Variants in SLC25A21 observed in about 807,000 individuals in gnomAD.
SLC25A21 encodes solute carrier family 25 member 21.
Under a neutral mutation model 43.8 loss-of-function variants are expected in SLC25A21, and 47 were observed. That is an observed-to-expected ratio of 1.07 (90% CI 0.85 to 1.37). SLC25A21 has a LOEUF of 1.37. Ranked by LOEUF, SLC25A21 falls within the 40% of genes most tolerant of loss-of-function variation. The probability of loss-of-function intolerance (pLI) is 0.00; values close to 1 mark genes in which losing one functional copy is unlikely to be tolerated. For synonymous variants in SLC25A21, 131 were observed against 121.3 expected (o/e 1.08, Z -0.52); for missense variants, 352 against 350.2 (o/e 1.00, Z -0.04).
At chr14:36,830,765 A>G (rs1158726467) in intron 2 of SLC25A21, among the ~76,000 whole-genome samples, 2 of 152,108 alleles carry the variant, frequency 1.3e-5, no homozygotes, top group Admixed American at 6.6e-5. Flanking sequence ...CCCCTCCTCA[A>G]TATCCCATAT....
At chr14:37,050,474 G>A (rs1419895168) in intron 1 of SLC25A21, among the ~76,000 whole-genome samples, 1 of 152,232 alleles carries the variant, frequency 6.6e-6, no homozygotes, top group African/African-American at 2.4e-5. Context: ...AGTGGGGGCT[G>A]AAAGCCATTT....
At chr14:36,858,393 G>A (rs761589495) in intron 2 of SLC25A21, among the ~76,000 whole-genome samples, 5 of 152,060 alleles carry the variant, frequency 3.3e-5, no homozygotes, top group South Asian at 2.1e-4. Context: ...AGAAAGTGTC[G>A]GCCTCAATTC....
intron 1 of SLC25A21, among the ~76,000 whole-genome samples, chr14:36,926,765 C>T (rs1892144303): frequency 6.6e-6 from 1 of 152,172 alleles, no homozygotes; most frequent in Non-Finnish European, 1.5e-5. Flanking sequence ...ACTTCGTATG[C>T]TCCCCCTACT....
intron 1 of SLC25A21, among the ~76,000 whole-genome samples, chr14:37,159,969 C>T (rs1265958541): frequency 6.6e-6 from 1 of 152,074 alleles, no homozygotes; most frequent in Non-Finnish European, 1.5e-5. Flanking sequence ...AAAAAATGGT[C>T]GGCATCACTA....
intron 2 of SLC25A21, among the ~76,000 whole-genome samples, chr14:36,861,451 G>A (rs1486306155): frequency 6.6e-6 from 1 of 152,162 alleles, no homozygotes; most frequent in Admixed American, 6.5e-5. Flanking sequence ...TCAGCTCACA[G>A]TTAGAGTTTT....
At chr14:37,120,252 A>G (rs1963183359) in intron 1 of SLC25A21, among the ~76,000 whole-genome samples, 1 of 152,110 alleles carries the variant, frequency 6.6e-6, no homozygotes, top group African/African-American at 2.4e-5. Flanking sequence ...CTCCTCACCC[A>G]CCACCTCCAA....
intron 3 of SLC25A21, among the ~76,000 whole-genome samples, chr14:36,741,477 AT>A (rs1178341719): frequency 1.6e-4 from 25 of 152,330 alleles, no homozygotes; most frequent in Non-Finnish European, 1.9e-4. Context: ...GAGAAGATCA[AT>A]GTGTAAATTT....
chr14:37,133,332 T>C (rs1227922686), intron 1 of SLC25A21, among the ~76,000 whole-genome samples: 1 of 152,090 alleles, frequency 6.6e-6, no homozygotes, highest in African/African-American at 2.4e-5. Flanking sequence ...TCTGTTGACA[T>C]TCCCTTTCAT....
chr14:36,832,134 C>T (rs1488301172), intron 2 of SLC25A21, among the ~76,000 whole-genome samples: 1 of 152,124 alleles, frequency 6.6e-6, no homozygotes, highest in African/African-American at 2.4e-5. Flanking sequence ...TTTCTCAGGA[C>T]AGTACCAGAG....
intron 1 of SLC25A21, among the ~76,000 whole-genome samples, chr14:36,974,309 T>A (rs1488303968): frequency 2.0e-5 from 3 of 152,228 alleles, no homozygotes; most frequent in Non-Finnish European, 2.9e-5. Flanking sequence ...ATATGACTCA[T>A]GCTTTCTCTT....
chr14:36,710,950 GA>G (rs2139187949), intron 7 of SLC25A21, among the ~76,000 whole-genome samples: 1 of 152,192 alleles, frequency 6.6e-6, no homozygotes, highest in African/African-American at 2.4e-5. Flanking sequence ...ACTTTCTTGA[GA>G]AAGTTATGCT....
At chr14:36,848,189 A>C (rs1271387773) in intron 2 of SLC25A21, among the ~76,000 whole-genome samples, 1 of 152,188 alleles carries the variant, frequency 6.6e-6, no homozygotes. Flanking sequence ...TTATCACCCT[A>C]ACTCAAAAGT....
chr14:36,845,666 A>C (rs1889519627), intron 2 of SLC25A21, among the ~76,000 whole-genome samples: 1 of 152,272 alleles, frequency 6.6e-6, no homozygotes, highest in Admixed American at 6.5e-5. Flanking sequence ...TGATGGACAA[A>C]CTATCATTTT....
intron 6 of SLC25A21, among the ~76,000 whole-genome samples, chr14:36,721,570 T>C (rs1351682039): frequency 6.6e-6 from 1 of 152,198 alleles, no homozygotes; most frequent in African/African-American, 2.4e-5. Context: ...CCCACAAGAT[T>C]GTTCTTCCTG....
rs570606385 is a variant in SLC25A21, at chr14:36,860,831, T to G, written c.119+14125A>C. 1.4e-4 allele frequency among the ~76,000 whole-genome samples: 21 copies of G among 152,284 alleles called. No homozygotes were observed. The Middle Eastern group carries it at 0.01, about 74-fold the overall frequency. ...TTCATCGCAATGTTGTATTATTTCA[T>G]AAAAAACAGAAATGCATATCCCAGA... On this transcript the variant is annotated intron_variant, in intron 2 of 9. Transcript: ENST00000331299.
At chr14:36,921,500 G>T (rs75311043) in intron 1 of SLC25A21, among the ~76,000 whole-genome samples, 1 of 152,228 alleles carries the variant, frequency 6.6e-6, no homozygotes, top group Non-Finnish European at 1.5e-5. Context: ...TTGTAATACA[G>T]TGAAAATAAA....
At position 36,729,529 on chromosome 14, in the gene SLC25A21, T is replaced by C. The variant is rs753300957; in HGVS notation, c.308A>G (p.Tyr103Cys). Residue 103 changes from tyrosine (Y) to cysteine (C), a missense_variant, in exon 5 of 10, where the codon TAT (tyrosine) becomes TGT (cysteine). Coordinates refer to ENST00000331299, the MANE Select transcript of SLC25A21 (RefSeq NM_030631.4). ...TFEQYKKLLG[Y>C]VSLSPALTFA... ...TACCAATGCTGGTGACAGTGACACA[T>C]ATCCCAGCAATTTCTTGTACTGCTC... The C allele has an allele frequency of 2.5e-6, 4 of 1,609,252 alleles. No homozygotes were observed. In the African/African-American group the frequency reaches 4.0e-5, roughly 16 times the overall value.
rs879503541 is a variant in SLC25A21 at position 37,016,025 on chromosome 14, G to A, written c.71-141021C>T. Among the ~76,000 whole-genome samples, 452 of 151,702 alleles carry A rather than the reference G, an allele frequency of 3.0e-3. 3 individuals are homozygous for A. The highest frequency in any genetic ancestry group is 5.3e-3 in the Non-Finnish European group (359 of 67,838). On this transcript the variant is annotated intron_variant, in intron 1 of 9. Coordinates refer to ENST00000331299, the MANE Select transcript of SLC25A21 (RefSeq NM_030631.4). ...CACTCTGATGGTAGTTTCTTTTGCT[G>A]TGCAGAAGCTCTTTAGTTTAATTAG... is the stretch of plus-strand genomic sequence containing the variant.
At chr14:37,096,615 T>C (rs1476583126) in intron 1 of SLC25A21, among the ~76,000 whole-genome samples, 1 of 152,190 alleles carries the variant, frequency 6.6e-6, no homozygotes, top group Non-Finnish European at 1.5e-5. Flanking sequence ...AGCTCAGTAA[T>C]TCTTTTTTTC....
Sources: allele counts gnomAD v4.1 joint callset (sites outside exome capture counted in the v4.1 genomes callset), GRCh38; gene constraint gnomAD v4.1.1; transcripts MANE v1.5; gene names NCBI Gene and HGNC (gene_info 2026-07-23, HGNC 2026-07-21).